The following KALRN variants were observed in gnomAD, a reference collection of about 807,000 sequenced individuals.
KALRN encodes the protein kalirin RhoGEF kinase, also known as kalirin.
In KALRN, 70 loss-of-function variants were observed where a neutral mutation model predicts 353.7. The ratio of observed to expected loss-of-function variants is 0.20; its 90% confidence interval spans 0.16 to 0.24. The LOEUF (loss-of-function observed/expected upper bound fraction) is 0.24, where lower values mean the gene tolerates loss of function less well. KALRN is among the 10% of genes least tolerant of loss of function. KALRN has a pLI of 1.00. For synonymous variants in KALRN, 1,391 were observed against 1,434.8 expected (o/e 0.97, Z 0.69); for missense variants, 2,791 against 3,756.7 (o/e 0.74, Z 6.72).
chr3:124,234,998 C>T lies in KALRN; in HGVS notation c.263+55C>T, dbSNP rs2079579070. The T allele has an allele frequency of 4.6e-6, 6 of 1,318,070 alleles. No homozygotes were observed. In the Admixed American group the frequency reaches 9.8e-5, roughly 21 times the overall value. The allele number at this position is 1,318,070 out of a possible 1,614,324, so 81.6% of individuals were successfully genotyped here. A position where few individuals can be genotyped will look rare whatever the true frequency, so the allele number is the denominator to read the frequency against. On this transcript the variant is annotated intron_variant, in intron 3 of 59. Coordinates refer to ENST00000682506, the MANE Select transcript of KALRN (RefSeq NM_001388419.1). ...AGCGGGAGGGGAGCTGGGCTGATGC[C>T]AGTTTTGGAAGGAGCCTCCATCCCT...
chr3:124,638,143 A>G (rs1411961941), intron 37 of KALRN, among the ~76,000 whole-genome samples: 1 of 152,174 alleles, frequency 6.6e-6, no homozygotes, highest in Non-Finnish European at 1.5e-5. Flanking sequence ...TGCTTCTGCC[A>G]GACTTCTATT....
At chr3:124,559,595 A>G (rs1410575502) in intron 33 of KALRN, among the ~76,000 whole-genome samples, 1 of 152,164 alleles carries the variant, frequency 6.6e-6, no homozygotes, top group Non-Finnish European at 1.5e-5. Context: ...AAGAATCAAA[A>G]ACATAACCTG....
chr3:124,368,212 C>A (rs1298058710), intron 10 of KALRN, among the ~76,000 whole-genome samples: 1 of 134,582 alleles, frequency 7.4e-6, no homozygotes, highest in African/African-American at 3.0e-5. Context: ...ACCTCCCTCC[C>A]GGACAGCACG....
chr3:124,719,242 C>T lies in KALRN; in HGVS notation c.8733C>T (p.Ala2911=). Residue 2911 remains alanine (A), a synonymous_variant, in exon 60 of 60, where the codon GCC becomes GCT. Coordinates refer to ENST00000682506, the MANE Select transcript of KALRN (RefSeq NM_001388419.1). This position sits in a 1 kb window ranked among gnomAD's most constrained non-coding sequence, Gnocchi z 5.3. Reference sequence around the variant, plus strand: ...ACTTCTGTGGTGTGAGCAATGCTGCCAGAGATTTCATCAATGTGATCTTAC... The same window carrying T: ...ACTTCTGTGGTGTGAGCAATGCTGCTAGAGATTTCATCAATGTGATCTTAC... ...HEYFCGVSNA[A]RDFINVILQE... 1 of 1,614,198 alleles carries T rather than the reference C, an allele frequency of 6.2e-7. No individual in the cohort carries two copies. The highest frequency in any genetic ancestry group is 8.5e-7 in the Non-Finnish European group (1 of 1,180,040).
chr3:124,067,493 A>C (rs1316991430), intron 1 of KALRN, among the ~76,000 whole-genome samples: 1 of 152,218 alleles, frequency 6.6e-6, no homozygotes, highest in African/African-American at 2.4e-5. Context: ...AGCAAAAAAC[A>C]AAAAACCACC....
At chr3:124,047,054 G>A (rs1159357310) in intron 1 of KALRN, among the ~76,000 whole-genome samples, 2 of 148,566 alleles carry the variant, frequency 1.3e-5, no homozygotes, top group African/African-American at 2.5e-5. Context: ...TCAACGTTGT[G>A]AAATACAGCT....
chr3:124,230,436 A>G (rs1157940948), intron 2 of KALRN, among the ~76,000 whole-genome samples: 1 of 152,098 alleles, frequency 6.6e-6, no homozygotes, highest in Non-Finnish European at 1.5e-5. Flanking sequence ...TGCACAATAC[A>G]CTCTGACATG....
intron 1 of KALRN, among the ~76,000 whole-genome samples, chr3:124,207,682 C>T (rs117017981): frequency 1.3e-5 from 2 of 152,312 alleles, no homozygotes; most frequent in East Asian, 3.9e-4. Flanking sequence ...TTTGCTTTCT[C>T]TGATCCTCAG....
intron 48 of KALRN, among the ~76,000 whole-genome samples, chr3:124,672,625 A>G (rs932319318): frequency 2.6e-5 from 4 of 152,236 alleles, no homozygotes; most frequent in African/African-American, 9.6e-5. Flanking sequence ...GTCGTCGATA[A>G]TCCACAATTC....
At chr3:124,284,058 G>A (rs1227182006) in intron 5 of KALRN, among the ~76,000 whole-genome samples, 2 of 152,170 alleles carry the variant, frequency 1.3e-5, no homozygotes, top group Admixed American at 1.3e-4. Flanking sequence ...GAAAAAGATG[G>A]GAGAGGGAAC....
chr3:124,381,904 A>G (rs940266928), intron 10 of KALRN, among the ~76,000 whole-genome samples: 1 of 152,142 alleles, frequency 6.6e-6, no homozygotes, highest in African/African-American at 2.4e-5. Context: ...CTAAATATAG[A>G]GTACCCTGGG....
intron 10 of KALRN, among the ~76,000 whole-genome samples, chr3:124,381,208 T>C (rs2087321826): frequency 6.6e-6 from 1 of 152,076 alleles, no homozygotes; most frequent in Admixed American, 6.5e-5. Flanking sequence ...AAAGAATGAA[T>C]AAGAGTTGGT....
intron 6 of KALRN, among the ~76,000 whole-genome samples, chr3:124,319,612 T>A (rs1011918947): frequency 3.4e-5 from 5 of 148,982 alleles, no homozygotes; most frequent in South Asian, 2.1e-4. Flanking sequence ...ATACCAAAAA[T>A]TTTTTTAACT....
intron 10 of KALRN, among the ~76,000 whole-genome samples, chr3:124,375,857 A>G (rs1444283369): frequency 6.6e-6 from 1 of 152,206 alleles, no homozygotes; most frequent in African/African-American, 2.4e-5. Context: ...AGTTATTGAG[A>G]AAGAAAGAAA....
chr3:124,065,995 G>A (rs2042326687), intron 1 of KALRN, among the ~76,000 whole-genome samples: 1 of 152,208 alleles, frequency 6.6e-6, no homozygotes, highest in African/African-American at 2.4e-5. Flanking sequence ...GTGGGAGCAG[G>A]AGTAGAGCTG....
chr3:124,639,245 TC>T (rs5852423), intron 37 of KALRN, among the ~76,000 whole-genome samples: 107,921 of 151,908 alleles, frequency 0.71, 40,095 homozygotes, highest in African/African-American at 0.93. Flanking sequence ...TCAGATCTCC[TC>T]CTCTACAAGG....
At position 124,422,953 on chromosome 3, in the gene KALRN, G is replaced by A. The variant is rs770807961; in HGVS notation, c.2684G>A (p.Arg895His). The part of the protein sequence containing the change: ...HKRLEQCLQL[R>H]HLQAEVKQVL... ...CGGCTAGAGCAGTGCCTCCAATTAC[G>A]TCACCTCCAGGCTGAAGTCAAACAG... is the stretch of plus-strand genomic sequence containing the variant. The change falls in exon 15 of 60, where the codon CGT becomes CAT. Residue 895 changes from arginine (R) to histidine (H), a missense_variant. Physicochemically the swap from Arg to His is conservative, Grantham distance 29. Around this residue, in one of 11 missense-constraint regions of KALRN, gnomAD observed 452 missense variants for 575.8 expected, o/e 0.78. Coordinates refer to ENST00000682506, the MANE Select transcript of KALRN (RefSeq NM_001388419.1). 11 of 1,613,524 alleles carry A rather than the reference G, an allele frequency of 6.8e-6. No homozygotes were observed. The highest frequency in any genetic ancestry group is 1.7e-5 in the Admixed American group (1 of 59,962).
intron 34 of KALRN, among the ~76,000 whole-genome samples, chr3:124,589,866 G>A (rs73191627): frequency 0.036 from 5,489 of 152,170 alleles, 140 homozygotes; most frequent in East Asian, 0.1. Context: ...CATGGGTTTC[G>A]CATCCCACAA....
At chr3:124,552,973 C>G (rs1481536500) in intron 33 of KALRN, among the ~76,000 whole-genome samples, 1 of 152,156 alleles carries the variant, frequency 6.6e-6, no homozygotes, top group Non-Finnish European at 1.5e-5. Context: ...ACCATGTTGA[C>G]CAGGCTGGTC....
Sources: gnomAD v4.1 joint callset for allele counts (sites outside exome capture counted in the v4.1 genomes callset) on GRCh38, gnomAD v4.1.1 for gene constraint, gnomAD v4.1.1 regional missense constraint, Gnocchi (gnomAD v3.1) non-coding constraint, MANE v1.5 for transcripts, NCBI Gene and HGNC (gene_info 2026-07-23, HGNC 2026-07-21) for gene names.